The following PTPRO variants were observed in gnomAD, a reference collection of about 807,000 sequenced individuals.
PTPRO encodes the protein receptor-type tyrosine-protein phosphatase O.
PTPRO carries 62 observed loss-of-function variants against 145.2 expected under a neutral mutation model. The ratio of observed to expected loss-of-function variants is 0.43; its 90% CI spans 0.35 to 0.53. PTPRO has a LOEUF of 0.53. Among genes scored for constraint, PTPRO ranks in the 20% least tolerant of loss-of-function variants. The pLI is 0.01. For missense variants in PTPRO, 1,345 were observed against 1,482.7 expected, an observed-to-expected ratio of 0.91 and a Z score of 1.53; for synonymous variants, 565 against 514.7, an observed-to-expected ratio of 1.10 and a Z score of -1.32.
intron 1 of PTPRO, among the ~76,000 whole-genome samples, chr12:15,420,362 ATCC>A (rs963285104): frequency 4.6e-5 from 7 of 151,222 alleles, no homozygotes; most frequent in African/African-American, 9.8e-5. Context: ...TTCATACCTA[ATCC>A]TCCACCATTG....
At chr12:15,553,642 A>G (rs1280476288) in intron 15 of PTPRO, among the ~76,000 whole-genome samples, 1 of 152,202 alleles carries the variant, frequency 6.6e-6, no homozygotes, top group Non-Finnish European at 1.5e-5. Context: ...TTTACTCAGT[A>G]AAATGAGCAG....
intron 2 of PTPRO, among the ~76,000 whole-genome samples, chr12:15,487,997 G>A (rs1306853642): frequency 6.6e-6 from 1 of 152,122 alleles, no homozygotes; most frequent in Non-Finnish European, 1.5e-5. Context: ...TTTGCCAAAG[G>A]TGAAATAGTG....
At chr12:15,342,440 T>G (rs1867030826) in intron 1 of PTPRO, among the ~76,000 whole-genome samples, 1 of 152,200 alleles carries the variant, frequency 6.6e-6, no homozygotes, top group East Asian at 1.9e-4. Context: ...CTATGAACAT[T>G]TATAGAGCAT....
At chr12:15,453,745 C>G (rs1941106079) in intron 1 of PTPRO, among the ~76,000 whole-genome samples, 1 of 152,068 alleles carries the variant, frequency 6.6e-6, no homozygotes, top group Non-Finnish European at 1.5e-5. Flanking sequence ...TTTTCTCTTC[C>G]CCCCAGCCTC....
At chr12:15,563,887 C>T (rs879561687) in intron 17 of PTPRO, among the ~76,000 whole-genome samples, 10 of 152,132 alleles carry the variant, frequency 6.6e-5, no homozygotes, top group African/African-American at 2.2e-4. Context: ...TAGTCATCTC[C>T]GCTGACATTC....
chr12:15,437,349 C>T (rs139590643), intron 1 of PTPRO, among the ~76,000 whole-genome samples: 1 of 151,940 alleles, frequency 6.6e-6, no homozygotes, highest in African/African-American at 2.4e-5. Context: ...CAGCGGGGCT[C>T]TCTCTGCTCC....
chr12:15,585,076 G>A (rs1944402756), intron 23 of PTPRO, among the ~76,000 whole-genome samples: 1 of 152,206 alleles, frequency 6.6e-6, no homozygotes, highest in Admixed American at 6.5e-5. Context: ...CTGCCGTGTA[G>A]CTGCGGAGAA....
chr12:15,448,942 G>C (rs1940977702), intron 1 of PTPRO, among the ~76,000 whole-genome samples: 1 of 151,938 alleles, frequency 6.6e-6, no homozygotes. Context: ...GGACTTACTT[G>C]TATGTGGAAT....
intron 1 of PTPRO, among the ~76,000 whole-genome samples, chr12:15,448,318 A>G (rs4764193): frequency 0.86 from 112,027 of 130,786 alleles, 50,533 homozygotes; most frequent in Non-Finnish European, 0.99. Flanking sequence ...CTTCTTCTCT[A>G]TTCTATCTTC....
At chr12:15,402,674 G>A (rs995684410) in intron 1 of PTPRO, among the ~76,000 whole-genome samples, 1 of 151,926 alleles carries the variant, frequency 6.6e-6, no homozygotes, top group Non-Finnish European at 1.5e-5. Context: ...TACATAATCA[G>A]GGTGACAAAT....
intron 1 of PTPRO, among the ~76,000 whole-genome samples, chr12:15,459,016 G>C (rs1591829746): frequency 1.3e-5 from 2 of 152,070 alleles, no homozygotes; most frequent in Non-Finnish European, 2.9e-5. Context: ...GATTCTGGGG[G>C]CTTCTCAAAT....
chr12:15,567,962 T>C (rs1179075833), intron 18 of PTPRO, among the ~76,000 whole-genome samples: 1 of 152,234 alleles, frequency 6.6e-6, no homozygotes, highest in African/African-American at 2.4e-5. Context: ...TAGCGTGTTT[T>C]ATAAATGAGT....
intron 19 of PTPRO, among the ~76,000 whole-genome samples, chr12:15,578,337 C>T (rs1336751605): frequency 6.6e-6 from 1 of 152,108 alleles, no homozygotes; most frequent in Non-Finnish European, 1.5e-5. Context: ...TATTTCATAC[C>T]CTGAGTGTTA....
intron 1 of PTPRO, among the ~76,000 whole-genome samples, chr12:15,433,816 TTAGGATTGCCTTGGCTATTCAG>T (rs1190242473): frequency 6.6e-6 from 1 of 152,252 alleles, no homozygotes; most frequent in Non-Finnish European, 1.5e-5. Context: ...TTCTTTTTGC[TTAGGATTGCCTTGGCTATTCAG>T]ACTCTTTTTT....
chr12:15,495,837 C>T (rs988657797), intron 2 of PTPRO, among the ~76,000 whole-genome samples: 2 of 152,088 alleles, frequency 1.3e-5, no homozygotes, highest in African/African-American at 4.8e-5. Flanking sequence ...GTACATTTAA[C>T]ATTTTTTTAC....
At chr12:15,553,874 T>C (rs1335401174) in intron 15 of PTPRO, among the ~76,000 whole-genome samples, 1 of 151,888 alleles carries the variant, frequency 6.6e-6, no homozygotes, top group Non-Finnish European at 1.5e-5. Flanking sequence ...ATTTTGAAAA[T>C]AGGAGCAACA....
Position 15,526,258 on chromosome 12 carries a change from G to A in PTPRO, c.2160G>A (p.Lys720=), listed in dbSNP as rs766107295. 1.9e-6 allele frequency: 3 copies of A among 1,613,904 alleles called. No homozygotes were observed. Among genetic ancestry groups the A allele is most frequent in the Non-Finnish European group, 2.5e-6 (3 of 1,179,906 alleles). Residue 720 remains lysine (K), a synonymous_variant, in exon 12 of 27, where the codon AAG becomes AAA. Coordinates refer to ENST00000281171, the MANE Select transcript of PTPRO (RefSeq NM_030667.3). ...GSNTSMLRLV[K]LEPAPPKSLF... ...ATACCTCCATGCTCCGCCTTGTCAA[G>A]CTAGGTAAGAAGAGTGCACAGAGAT...
At chr12:15,532,635 G>A (rs1474818227) in intron 12 of PTPRO, among the ~76,000 whole-genome samples, 1 of 152,174 alleles carries the variant, frequency 6.6e-6, no homozygotes, top group Non-Finnish European at 1.5e-5. Flanking sequence ...TGCACTGAAG[G>A]CAATCTGCTC....
At chr12:15,334,828 A>C (rs1369590447) in intron 1 of PTPRO, among the ~76,000 whole-genome samples, 1 of 152,146 alleles carries the variant, frequency 6.6e-6, no homozygotes, top group Non-Finnish European at 1.5e-5. Flanking sequence ...TAGCATTAAT[A>C]ATTCTTTAAT....
Sources: gnomAD v4.1 joint callset for allele counts (sites outside exome capture counted in the v4.1 genomes callset) on GRCh38, gnomAD v4.1.1 for gene constraint, MANE v1.5 for transcripts, NCBI Gene and HGNC (gene_info 2026-07-23, HGNC 2026-07-21) for gene names.